VEGFC: variants seen among roughly 807,000 people sequenced by gnomAD.
The protein encoded by VEGFC is vascular endothelial growth factor C.
VEGFC carries 12 observed loss-of-function variants against 46.1 expected under a neutral mutation model. That is an observed-to-expected ratio of 0.26 (90% confidence interval 0.17 to 0.42). The LOEUF (loss-of-function observed/expected upper bound fraction) is 0.42. VEGFC is among the 10% of genes least tolerant of loss of function. VEGFC has a pLI of 1.00. For synonymous variants in VEGFC, 232 were observed against 195.5 expected (o/e 1.19, Z -1.56); for missense variants, 488 against 529.4 (o/e 0.92, Z 0.77).
chr4:176,767,130 A>AAAG (rs1210284146), intron 1 of VEGFC, among the ~76,000 whole-genome samples: 1 of 148,526 alleles, frequency 6.7e-6, no homozygotes, highest in Non-Finnish European at 1.5e-5. Flanking sequence ...ATCTAAAAAA[A>AAAG]AAAAAAAAAA....
chr4:176,689,056 C>G (rs1734099730), intron 4 of VEGFC, among the ~76,000 whole-genome samples: 2 of 152,166 alleles, frequency 1.3e-5, no homozygotes. Flanking sequence ...TGCTAATTTA[C>G]AGGATATATA....
At chr4:176,718,924 A>C (rs1037201465) in intron 3 of VEGFC, among the ~76,000 whole-genome samples, 1 of 152,194 alleles carries the variant, frequency 6.6e-6, no homozygotes, top group Non-Finnish European at 1.5e-5. Flanking sequence ...TATATCTCTT[A>C]AACATACAAC....
At chr4:176,710,101 C>T (rs1054005295) in intron 4 of VEGFC, among the ~76,000 whole-genome samples, 1 of 152,118 alleles carries the variant, frequency 6.6e-6, no homozygotes, top group Admixed American at 6.6e-5. Context: ...AAGTCTTTCT[C>T]TTTGTACTTA....
intron 4 of VEGFC, among the ~76,000 whole-genome samples, chr4:176,707,214 T>C (rs1174290988): frequency 2.6e-5 from 4 of 152,234 alleles, no homozygotes; most frequent in Admixed American, 6.5e-5. Flanking sequence ...TGTGGAAATA[T>C]GTACATGTTA....
chr4:176,730,116 C>G (rs1369943516), intron 1 of VEGFC, among the ~76,000 whole-genome samples: 3 of 152,090 alleles, frequency 2.0e-5, no homozygotes, highest in Non-Finnish European at 4.4e-5. Context: ...GAAATCCACC[C>G]TAATGCTTTG....
chr4:176,759,743 A>AG (rs967956134), intron 1 of VEGFC, among the ~76,000 whole-genome samples: 2 of 151,820 alleles, frequency 1.3e-5, no homozygotes, highest in Non-Finnish European at 2.9e-5. Flanking sequence ...AAAAGTAAAA[A>AG]AAAATAAAAT....
At chr4:176,737,554 T>C (rs1735077681) in intron 1 of VEGFC, among the ~76,000 whole-genome samples, 1 of 151,004 alleles carries the variant, frequency 6.6e-6, no homozygotes, top group Non-Finnish European at 1.5e-5. Context: ...AAAGAAAATA[T>C]ACCTTTCTTC....
At chr4:176,784,030 T>C (rs1735956756) in intron 1 of VEGFC, among the ~76,000 whole-genome samples, 1 of 151,380 alleles carries the variant, frequency 6.6e-6, no homozygotes, top group Admixed American at 6.6e-5. Context: ...ATGCCAATCA[T>C]GGTTCCAAGG....
intron 3 of VEGFC, among the ~76,000 whole-genome samples, chr4:176,721,391 G>C (rs890298667): frequency 3.3e-5 from 5 of 152,070 alleles, no homozygotes; most frequent in Admixed American, 6.6e-5. Flanking sequence ...ATGTTATCAA[G>C]GAGTTTTTAG....
rs1227859872 is a variant in VEGFC, at chr4:176,724,044, T to TA, written c.552+3733dup. Among the ~76,000 whole-genome samples the TA allele has an allele frequency of 3.0e-4, 46 of 152,230 alleles. 1 individual carries two copies. The highest frequency in any genetic ancestry group is 3.0e-3 in the Admixed American group (46 of 15,272). On this transcript the variant is annotated intron_variant, in intron 3 of 6. Transcript: ENST00000618562. Reference sequence around the variant, plus strand: ...TTCATCACCCAGGAATTAAGCCCAGTACCCAATAGTTACCTTTTCTGTTCC... The same window carrying TA: ...TTCATCACCCAGGAATTAAGCCCAGTAACCCAATAGTTACCTTTTCTGTTCC...
At chr4:176,742,403 T>G (rs1476784257) in intron 1 of VEGFC, among the ~76,000 whole-genome samples, 4 of 152,012 alleles carry the variant, frequency 2.6e-5, no homozygotes, top group African/African-American at 9.7e-5. Flanking sequence ...TGAGTGCAGA[T>G]GTCTGTTTGA....
chr4:176,710,481 C>T (rs1258969951), intron 4 of VEGFC, among the ~76,000 whole-genome samples: 1 of 152,158 alleles, frequency 6.6e-6, no homozygotes, highest in Non-Finnish European at 1.5e-5. Flanking sequence ...TAAACTGTCC[C>T]TGGACAAACA....
At chr4:176,751,574 C>T (rs1422791302) in intron 1 of VEGFC, among the ~76,000 whole-genome samples, 2 of 151,840 alleles carry the variant, frequency 1.3e-5, no homozygotes, top group Non-Finnish European at 2.9e-5. Flanking sequence ...ATGGGTCATA[C>T]AACAGATTTC....
At chr4:176,753,899 T>C (rs907020980) in intron 1 of VEGFC, among the ~76,000 whole-genome samples, 2 of 152,134 alleles carry the variant, frequency 1.3e-5, no homozygotes, top group Non-Finnish European at 2.9e-5. Context: ...TTAGCACTAT[T>C]ATTTGCTAAC....
intron 1 of VEGFC, among the ~76,000 whole-genome samples, chr4:176,771,962 C>G (rs1367397105): frequency 6.6e-6 from 1 of 152,106 alleles, no homozygotes; most frequent in Non-Finnish European, 1.5e-5. Flanking sequence ...GAACAGAAAT[C>G]TCCATCAGTA....
At chr4:176,689,333 C>T (rs893420189) in intron 4 of VEGFC, 1 of 152,076 alleles carries the variant, frequency 6.6e-6, no homozygotes, top group Non-Finnish European at 1.5e-5. Context: ...TTAATAATAG[C>T]CTGGTAACTC....
chr4:176,745,991 G>A (rs934713830), intron 1 of VEGFC, among the ~76,000 whole-genome samples: 1 of 152,066 alleles, frequency 6.6e-6, no homozygotes, highest in African/African-American at 2.4e-5. Flanking sequence ...ATGTAAAGGA[G>A]TGAAGTCAAC....
chr4:176,760,008 G>A (rs1238425684), intron 1 of VEGFC, among the ~76,000 whole-genome samples: 1 of 152,060 alleles, frequency 6.6e-6, no homozygotes, highest in Non-Finnish European at 1.5e-5. Context: ...ATTAAAAATA[G>A]TTAATAACAA....
intron 1 of VEGFC, among the ~76,000 whole-genome samples, chr4:176,788,687 A>G (rs928602791): frequency 1.3e-5 from 2 of 152,194 alleles, no homozygotes; most frequent in African/African-American, 4.8e-5. Flanking sequence ...AGCCCAGGAA[A>G]AGATCAAAAT....
Sources: allele counts gnomAD v4.1 joint callset (sites outside exome capture counted in the v4.1 genomes callset), GRCh38; gene constraint gnomAD v4.1.1; transcripts MANE v1.5; gene names NCBI Gene and HGNC (gene_info 2026-07-23, HGNC 2026-07-21).